AUTS2: variants seen among roughly 807,000 people sequenced by gnomAD.
The protein encoded by AUTS2 is activator of transcription and developmental regulator AUTS2.
A neutral mutation model predicts 112.4 loss-of-function variants in AUTS2; 17 were observed. The ratio of observed to expected loss-of-function variants is 0.15; its 90% confidence interval spans 0.10 to 0.23. The LOEUF is 0.23. AUTS2 is among the 10% of genes least tolerant of loss of function. AUTS2 has a pLI of 1.00. For missense variants in AUTS2, 1,510 were observed against 1,701.6 expected, an observed-to-expected ratio of 0.89 and a Z score of 1.98; for synonymous variants, 751 against 702.7, an observed-to-expected ratio of 1.07 and a Z score of -1.09.
At chr7:69,978,454 A>C (rs552742002) in intron 2 of AUTS2, among the ~76,000 whole-genome samples, 1 of 152,370 alleles carries the variant, frequency 6.6e-6, no homozygotes, top group South Asian at 2.1e-4. Context: ...TGAGCTATTC[A>C]ATCCAACGAG....
chr7:70,733,998 G>C (rs1787618416), intron 6 of AUTS2, among the ~76,000 whole-genome samples: 1 of 152,108 alleles, frequency 6.6e-6, no homozygotes, highest in South Asian at 2.1e-4. Context: ...TCTCTTGGTG[G>C]CTGAGTTTCC....
chr7:70,785,739 G>A (rs146479801), intron 16 of AUTS2, among the ~76,000 whole-genome samples: 70 of 152,336 alleles, frequency 4.6e-4, no homozygotes, highest in Middle Eastern at 3.4e-3. Context: ...AAAATACACA[G>A]TTGTAGAAGA....
intron 4 of AUTS2, among the ~76,000 whole-genome samples, chr7:70,191,623 A>T (rs947848785): frequency 6.6e-6 from 1 of 152,236 alleles, no homozygotes; most frequent in Non-Finnish European, 1.5e-5. Flanking sequence ...TTTGAAATTC[A>T]TAATACAGTC....
intron 1 of AUTS2, among the ~76,000 whole-genome samples, chr7:69,614,368 T>TTTCTTTTCTTTCTTTTC: frequency 2.2e-3 from 43 of 19,424 alleles, no homozygotes; most frequent in South Asian, 3.4e-3. Context: ...TTCTTTCTTT[T>TTTCTTTTCTTTCTTTTC]TTTAAGAGAT....
chr7:69,960,635 A>G (rs968605998), intron 2 of AUTS2, among the ~76,000 whole-genome samples: 1 of 152,204 alleles, frequency 6.6e-6, no homozygotes, highest in African/African-American at 2.4e-5. Context: ...GTCGTTTTCC[A>G]AAAACATTTG....
At chr7:69,977,129 T>C (rs1798091954) in intron 2 of AUTS2, among the ~76,000 whole-genome samples, 1 of 152,200 alleles carries the variant, frequency 6.6e-6, no homozygotes, top group Non-Finnish European at 1.5e-5. Flanking sequence ...TTGTATATGG[T>C]GTAAAGGGTC....
At position 70,239,011 on chromosome 7, in the gene AUTS2, C is replaced by T. The variant is rs185916477; in HGVS notation, c.660+104440C>T. On this transcript the variant is annotated intron_variant, in intron 4 of 18. Transcript: ENST00000342771. ...TAACTTGGCAGGAGGGAGGCAGTTA[C>T]CGATGTAATAGAGATGCCTGAGCAG... 3.7e-4 allele frequency among the ~76,000 whole-genome samples: 56 copies of T among 152,256 alleles called. 1 individual carries two copies. Among genetic ancestry groups the T allele is most frequent in the African/African-American group, 1.3e-3 (52 of 41,546 alleles).
chr7:70,405,988 T>C (rs1404425060), intron 4 of AUTS2, among the ~76,000 whole-genome samples: 2 of 152,164 alleles, frequency 1.3e-5, no homozygotes, highest in African/African-American at 4.8e-5. Flanking sequence ...TATAGTGGTA[T>C]TGGCAATTCA....
intron 5 of AUTS2, among the ~76,000 whole-genome samples, chr7:70,497,192 T>C (rs1303371388): frequency 1.6e-3 from 72 of 44,474 alleles, no homozygotes; most frequent in East Asian, 4.3e-3. Flanking sequence ...CACACACACC[T>C]CACACACATG....
chr7:70,155,610 T>C (rs570888282), intron 4 of AUTS2, among the ~76,000 whole-genome samples: 1 of 152,268 alleles, frequency 6.6e-6, no homozygotes, highest in African/African-American at 2.4e-5. Context: ...TTATCTTTAC[T>C]AGAAATCAAA....
At chr7:70,647,682 C>G (rs1806246739) in intron 5 of AUTS2, among the ~76,000 whole-genome samples, 1 of 152,164 alleles carries the variant, frequency 6.6e-6, no homozygotes, top group South Asian at 2.1e-4. Context: ...AGGAGACTGC[C>G]AACTGGGTAT....
At chr7:70,303,418 A>ACG (rs1270381090) in intron 4 of AUTS2, among the ~76,000 whole-genome samples, 4 of 132,130 alleles carry the variant, frequency 3.0e-5, no homozygotes, top group African/African-American at 1.2e-4. Flanking sequence ...GCACGCACAC[A>ACG]CACACGCGCG....
intron 5 of AUTS2, among the ~76,000 whole-genome samples, chr7:70,697,762 T>A (rs528139773): frequency 6.6e-6 from 1 of 152,326 alleles, no homozygotes; most frequent in African/African-American, 2.4e-5. Flanking sequence ...GTAGTGGAGA[T>A]GCTTAATTTT....
intron 5 of AUTS2, among the ~76,000 whole-genome samples, chr7:70,606,576 T>C (rs1803779856): frequency 6.6e-6 from 1 of 152,112 alleles, no homozygotes; most frequent in South Asian, 2.1e-4. Context: ...TAGTGTTTCT[T>C]GGGGCCAGAC....
intron 5 of AUTS2, among the ~76,000 whole-genome samples, chr7:70,485,750 G>A (rs13246400): frequency 0.2 from 30,150 of 151,974 alleles, 3,233 homozygotes; most frequent in African/African-American, 0.29. Flanking sequence ...AGGGGACCCC[G>A]TGTGTTCCTG....
intron 5 of AUTS2, among the ~76,000 whole-genome samples, chr7:70,661,145 G>A (rs931340816): frequency 1.3e-5 from 2 of 151,592 alleles, no homozygotes; most frequent in Non-Finnish European, 2.9e-5. Context: ...TCTAGATGCC[G>A]CCTAATTACC....
chr7:69,966,501 C>G (rs1338697676), intron 2 of AUTS2, among the ~76,000 whole-genome samples: 1 of 152,214 alleles, frequency 6.6e-6, no homozygotes, highest in Non-Finnish European at 1.5e-5. Context: ...ATTGCTGTCT[C>G]TCTCTTTACA....
chr7:70,598,929 C>G (rs778969811), intron 5 of AUTS2, among the ~76,000 whole-genome samples: 1 of 152,198 alleles, frequency 6.6e-6, no homozygotes, highest in Non-Finnish European at 1.5e-5. Context: ...AACTCTTTAT[C>G]AAATGATCCC....
intron 4 of AUTS2, among the ~76,000 whole-genome samples, chr7:70,369,423 T>C (rs1319903526): frequency 6.6e-6 from 1 of 152,140 alleles, no homozygotes; most frequent in Non-Finnish European, 1.5e-5. Flanking sequence ...GCTATAATTT[T>C]TGGGGAAGAG....
Sources: gnomAD v4.1 joint callset for allele counts (sites outside exome capture counted in the v4.1 genomes callset) on GRCh38, gnomAD v4.1.1 for gene constraint, MANE v1.5 for transcripts, NCBI Gene and HGNC (gene_info 2026-07-23, HGNC 2026-07-21) for gene names.